ADCY4: variants seen among roughly 807,000 people sequenced by gnomAD.
The protein encoded by ADCY4 is adenylate cyclase type 4.
ADCY4 carries 111 observed loss-of-function variants against 125.5 expected under a neutral mutation model. The ratio of observed to expected loss-of-function variants is 0.88; its 90% CI spans 0.76 to 1.04. ADCY4 has a LOEUF of 1.04. Among genes scored for constraint, ADCY4 ranks in the 50% least tolerant of loss-of-function variants. The pLI is 0.00. For missense variants in ADCY4, 1,256 were observed against 1,382.9 expected, an observed-to-expected ratio of 0.91 and a Z score of 1.46; for synonymous variants, 576 against 586.9, an observed-to-expected ratio of 0.98 and a Z score of 0.27.
At position 24,319,165 on chromosome 14, in the gene ADCY4, G is replaced by A. The variant is rs369728055; in HGVS notation, c.2889C>T (p.Ala963=). 47 of 1,614,050 alleles carry A rather than the reference G, an allele frequency of 2.9e-5. No homozygotes were observed. In the African/African-American group the frequency reaches 2.9e-4, roughly 10 times the overall value. Residue 963 remains alanine, a synonymous_variant, in exon 23 of 25, where the codon GCC becomes GCT. Transcript: ENST00000418030. The surrounding 1 kb of genome is among the most constrained non-coding windows in gnomAD (Gnocchi z 4.5). ...CGTCCAGCTTAGACCCCAGGGCCAC[G>A]GCAAATTCCACCATAGTGCCAAGGT... is the stretch of plus-strand genomic sequence containing the variant. ...CSHLGTMVEF[A]VALGSKLDVI... is the part of the protein sequence containing the mutation.
In ADCY4 at chr14:24,331,278, C is replaced by T. The variant is rs764857218; in HGVS notation, c.748G>A (p.Gly250Arg). ...GTGCTCTCTGGCCGTGACCCCTGTC[C>T]TGCCTGCAGCCGTGCCATGATCTCT... is the stretch of plus-strand genomic sequence containing the variant. ...KAEIMARLQA[G>R]QGSRPESTNN... The change falls in exon 5 of 25, where the codon GGA becomes AGA. Residue 250 changes from glycine (G) to arginine (R), a missense_variant. Gly to Arg is a moderately radical substitution (Grantham distance 125, BLOSUM62 -2). Coordinates refer to ENST00000418030, the MANE Select transcript of ADCY4 (RefSeq NM_001198568.2). The T allele has an allele frequency of 1.2e-6, 2 of 1,614,194 alleles. No homozygotes were observed. The highest frequency in any genetic ancestry group is 4.5e-5 in the East Asian group (2 of 44,884).
At chr14:24,333,875 A>C (rs1379385554) in intron 1 of ADCY4, among the ~76,000 whole-genome samples, 1 of 152,130 alleles carries the variant, frequency 6.6e-6, no homozygotes, top group Non-Finnish European at 1.5e-5. Flanking sequence ...TCCAAGCAGA[A>C]GCTGCACAGC....
chr14:24,334,363 T>C (rs1236082671), intron 1 of ADCY4, 131 bp downstream of exon 1: 2 of 1,423,624 alleles, frequency 1.4e-6, no homozygotes, highest in Non-Finnish European at 1.8e-6. Flanking sequence ...CTGCAGTTCC[T>C]AGCCAGGCTC....
At chr14:24,331,408 G>T in intron 4 of ADCY4, 52 bp from the exon 5 acceptor site, 1 of 1,604,138 alleles carries the variant, frequency 6.2e-7, no homozygotes, top group South Asian at 1.1e-5. Flanking sequence ...AAGCCAGGAG[G>T]CCCTGTCCCC....
intron 14 of ADCY4, 23 bp from the exon 15 acceptor site, chr14:24,324,414 C>A: frequency 1.9e-6 from 3 of 1,593,848 alleles, no homozygotes; most frequent in Non-Finnish European, 1.7e-6. Flanking sequence ...AAAAGCGAGG[C>A]CTTGAAGTGC....
In ADCY4 at chr14:24,331,290, G is replaced by A. The variant is rs766880309; in HGVS notation, c.736C>T (p.Arg246Trp). Reference protein sequence around the residue: ...AREMKAEIMARLQAGQGSRPE... With the variant: ...AREMKAEIMAWLQAGQGSRPE... ...CGTGACCCCTGTCCTGCCTGCAGCC[G>A]TGCCATGATCTCTGCCTTCATCTCT... Residue 246 changes from arginine to tryptophan, a missense_variant, in exon 5 of 25, where the codon CGG becomes TGG. Transcript: ENST00000418030. 1.8e-5 allele frequency: 29 copies of A among 1,614,178 alleles called. No homozygotes were observed. In the East Asian group the frequency reaches 2.0e-4, roughly 11 times the overall value.
intron 10 of ADCY4, among the ~76,000 whole-genome samples, chr14:24,327,008 T>C (rs1009211752): frequency 6.7e-6 from 1 of 149,312 alleles, no homozygotes; most frequent in Admixed American, 6.7e-5. Flanking sequence ...GCAATTCTCT[T>C]GCCTCAGCCT....
intron 1 of ADCY4, among the ~76,000 whole-genome samples, chr14:24,333,668 A>T (rs2042086077): frequency 1.3e-5 from 2 of 152,254 alleles, no homozygotes. Flanking sequence ...AGATAGATCC[A>T]AGCTCACAAG....
At position 24,332,803 on chromosome 14, in the gene ADCY4, G is replaced by T. The variant is rs1459724735; in HGVS notation, c.345C>A (p.Ser115Arg). 4 of 1,556,632 alleles carry T rather than the reference G, an allele frequency of 2.6e-6. No individual in the cohort carries two copies. The highest frequency in any genetic ancestry group is 1.4e-5 in the African/African-American group (1 of 73,946). The change falls in exon 2 of 25, where the codon AGC becomes AGA. Residue 115 changes from serine (S) to arginine (R), a missense_variant. Transcript: ENST00000418030. Reference protein sequence around the residue: ...HAFLFTGGVVSAWDQVSYFLF... With the variant: ...HAFLFTGGVVRAWDQVSYFLF... ...CCGCCCCTCTCACCTGGTCCCAGGC[G>T]CTCACCACGCCCCCGGTGAACAGGA...
chr14:24,330,094 G>A, intron 7 of ADCY4, 74 bp downstream of exon 7: 8 of 1,598,588 alleles, frequency 5.0e-6, no homozygotes, highest in Admixed American at 1.7e-5. Flanking sequence ...TTCTCACAAA[G>A]AGGACTTCTG....
chr14:24,332,477 TG>T, intron 3 of ADCY4, 44 bp downstream of exon 3: 1 of 1,542,402 alleles, frequency 6.5e-7, no homozygotes, highest in Non-Finnish European at 8.8e-7. Context: ...TACTAGCACG[TG>T]GCAGAGCCGT....
chr14:24,321,808 C>G (rs745745389), intron 20 of ADCY4: 24 of 1,191,004 alleles, frequency 2.0e-5, no homozygotes, highest in Non-Finnish European at 2.3e-5. Context: ...CAGCTCCCAT[C>G]AACGCCTAGG....
At chr14:24,328,148 C>T (rs1486160615) in intron 10 of ADCY4, among the ~76,000 whole-genome samples, 4 of 150,456 alleles carry the variant, frequency 2.7e-5, no homozygotes, top group Admixed American at 1.3e-4. Context: ...GGAAGACGCC[C>T]GTCACCAAGC....
At chr14:24,327,436 C>T (rs2041966599) in intron 10 of ADCY4, among the ~76,000 whole-genome samples, 1 of 152,168 alleles carries the variant, frequency 6.6e-6, no homozygotes, top group African/African-American at 2.4e-5. Flanking sequence ...TAGCAGTCCC[C>T]ACACACCACT....
chr14:24,324,829 G>A (rs1305684195), intron 14 of ADCY4, among the ~76,000 whole-genome samples: 6 of 151,760 alleles, frequency 4.0e-5, no homozygotes, highest in Non-Finnish European at 5.9e-5. Context: ...TCAGCCTCCC[G>A]AGTAGCTGGG....
chr14:24,334,423 A>G (rs2042099970), intron 1 of ADCY4, 71 bp downstream of exon 1: 1 of 1,467,798 alleles, frequency 6.8e-7, no homozygotes, highest in African/African-American at 1.4e-5. Context: ...ATCGAAAAGA[A>G]GACCCCACAA....
Position 24,332,649 on chromosome 14 carries a change from T to C in ADCY4, c.392A>G (p.Tyr131Cys), listed in dbSNP as rs368959739. 2 of 1,588,188 alleles carry C rather than the reference T, an allele frequency of 1.3e-6. No homozygotes were observed. The highest frequency in any genetic ancestry group is 1.7e-6 in the Non-Finnish European group (2 of 1,167,648). ...SYFLFVIFTA[Y>C]AMLPLGMRDA... ...CCGCATGCCCAAGGGCAGCATGGCATACGCCGTGAAGATGACGAAGAGAAA... is the reference window on the plus strand; with the variant it reads ...CCGCATGCCCAAGGGCAGCATGGCACACGCCGTGAAGATGACGAAGAGAAA... The change falls in exon 3 of 25, where the codon TAT (tyrosine) becomes TGT (cysteine). Residue 131 changes from tyrosine (Y) to cysteine (C), a missense_variant. Physicochemically the swap from Tyr to Cys is radical, Grantham distance 194. Transcript: ENST00000418030.
intron 2 of ADCY4, 35 bp from the exon 3 acceptor site, chr14:24,332,718 TG>T: frequency 6.4e-7 from 1 of 1,566,908 alleles, no homozygotes; most frequent in Non-Finnish European, 8.7e-7. Context: ...AAGGCCCAAG[TG>T]GGGCTATTCA....
Position 24,332,701 on chromosome 14 carries a change from G to A in ADCY4, c.358-18C>T. On this transcript the variant is annotated intron_variant, in intron 2 of 24. Coordinates refer to ENST00000418030, the MANE Select transcript of ADCY4 (RefSeq NM_001198568.2). ...TAGGACACCTGGGGGCGGGGCGCGG[G>A]AAGCCGAAGGCCCAAGTGGGGCTAT... 1.9e-6 allele frequency: 3 copies of A among 1,577,062 alleles called. No individual in the cohort carries two copies. Among genetic ancestry groups the A allele is most frequent in the Non-Finnish European group, 2.6e-6 (3 of 1,161,068 alleles).
Sources: allele counts gnomAD v4.1 joint callset (sites outside exome capture counted in the v4.1 genomes callset), GRCh38; gene constraint gnomAD v4.1.1; non-coding constraint Gnocchi (gnomAD v3.1); transcripts MANE v1.5; gene names NCBI Gene and HGNC (gene_info 2026-07-23, HGNC 2026-07-21).